The following DPYD variants were observed in gnomAD, a reference collection of about 807,000 sequenced individuals.
DPYD encodes dihydropyrimidine dehydrogenase, also known as dihydropyrimidine dehydrogenase [NADP(+)].
A neutral mutation model predicts 116.2 loss-of-function variants in DPYD; 109 were observed. That is an observed-to-expected ratio of 0.94 (90% confidence interval 0.80 to 1.10). The LOEUF (loss-of-function observed/expected upper bound fraction) is 1.10. Among genes scored for constraint, DPYD ranks in the 50% least tolerant of loss-of-function variants. The pLI, the probability that DPYD is intolerant of heterozygous loss-of-function variation, is 0.00. For synonymous variants in DPYD, 440 were observed against 432.0 expected (o/e 1.02, Z -0.23); for missense variants, 1,302 against 1,254.5 (o/e 1.04, Z -0.57).
chr1:97,469,397 C>CAAAAAAAAAAAAAAAAAAAAAA (rs59090402), intron 13 of DPYD, among the ~76,000 whole-genome samples: 27 of 80,808 alleles, frequency 3.3e-4, no homozygotes, highest in African/African-American at 9.7e-4. Context: ...GCTAAAATTG[C>CAAAAAAAAAAAAAAAAAAAAAA]AAAAAAAAAA....
chr1:97,516,073 A>T, intron 12 of DPYD, 132 bp from the exon 13 acceptor site: 1 of 966,258 alleles, frequency 1.0e-6, no homozygotes, highest in Non-Finnish European at 1.6e-6. Flanking sequence ...AATGAAAAAA[A>T]CTGGCAAAAA....
rs1247588033 is a variant in DPYD, at chr1:97,822,307, ATATAT to A, written c.233+5802_233+5806del. Among the ~76,000 whole-genome samples, 7 of 148,314 alleles carry A rather than the reference ATATAT, an allele frequency of 4.7e-5. No individual in the cohort carries two copies. In the East Asian group the frequency reaches 7.8e-4, roughly 16 times the overall value. On this transcript the variant is annotated intron_variant, in intron 3 of 22. Transcript: ENST00000370192. ...TCTGTGTATATATCTGTAAATATAA[ATATAT>A]TATATATCTGTATATATACACAGAT...
intron 16 of DPYD, among the ~76,000 whole-genome samples, chr1:97,312,463 C>A (rs1022888712): frequency 3.3e-5 from 5 of 151,768 alleles, no homozygotes; most frequent in Non-Finnish European, 7.4e-5. Context: ...ACAAAGATGT[C>A]TGCCATTCAC....
intron 10 of DPYD, among the ~76,000 whole-genome samples, chr1:97,576,555 C>T (rs1570988817): frequency 6.6e-6 from 1 of 152,154 alleles, no homozygotes; most frequent in East Asian, 1.9e-4. Context: ...TCAAAAACTT[C>T]TATGAATTTA....
At chr1:97,895,676 T>C (rs1186691069) in intron 1 of DPYD, among the ~76,000 whole-genome samples, 2 of 151,586 alleles carry the variant, frequency 1.3e-5, no homozygotes, top group African/African-American at 4.8e-5. Context: ...AGCTGAGGAG[T>C]TGGGGAATTG....
At chr1:97,837,785 G>A (rs530415368) in intron 2 of DPYD, among the ~76,000 whole-genome samples, 2 of 152,252 alleles carry the variant, frequency 1.3e-5, no homozygotes, top group African/African-American at 4.8e-5. Flanking sequence ...ATGCTTGAAT[G>A]TGATAATGAC....
intron 16 of DPYD, among the ~76,000 whole-genome samples, chr1:97,306,627 G>A (rs1227030499): frequency 6.6e-6 from 1 of 151,892 alleles, no homozygotes; most frequent in Non-Finnish European, 1.5e-5. Flanking sequence ...AACTTTTGAT[G>A]TTAAGTACAA....
chr1:97,528,388 T>C (rs191211408), intron 12 of DPYD, among the ~76,000 whole-genome samples: 8 of 152,308 alleles, frequency 5.3e-5, no homozygotes, highest in Admixed American at 1.3e-4. Context: ...CATTCTTCTA[T>C]ACTTGTAATC....
chr1:97,583,259 G>A (rs535274741), intron 10 of DPYD, among the ~76,000 whole-genome samples: 1 of 152,220 alleles, frequency 6.6e-6, no homozygotes, highest in South Asian at 2.1e-4. Context: ...GTGAACCACT[G>A]CGCCTGACCA....
intron 3 of DPYD, among the ~76,000 whole-genome samples, chr1:97,773,496 G>A (rs371895762): frequency 1.1e-3 from 166 of 152,218 alleles, no homozygotes; most frequent in African/African-American, 3.2e-3. Flanking sequence ...TTTCACGTCC[G>A]AATGTTCCAT....
intron 18 of DPYD, among the ~76,000 whole-genome samples, chr1:97,298,801 C>T (rs1205591914): frequency 6.6e-6 from 1 of 152,080 alleles, no homozygotes; most frequent in Non-Finnish European, 1.5e-5. Flanking sequence ...TCTTCTCCCC[C>T]TTTTCCTTAG....
chr1:97,544,565 T>C (rs1187773521), intron 12 of DPYD, among the ~76,000 whole-genome samples: 1 of 152,160 alleles, frequency 6.6e-6, no homozygotes, highest in East Asian at 1.9e-4. Context: ...ACATCAGATT[T>C]CTATTCAAAC....
intron 13 of DPYD, among the ~76,000 whole-genome samples, chr1:97,457,841 T>C (rs187397682): frequency 1.3e-5 from 2 of 152,308 alleles, no homozygotes; most frequent in East Asian, 3.9e-4. Context: ...CTGTCTCCTA[T>C]TCAAGTTATT....
At chr1:97,688,520 G>A (rs974867926) in intron 7 of DPYD, among the ~76,000 whole-genome samples, 3 of 151,934 alleles carry the variant, frequency 2.0e-5, no homozygotes, top group Non-Finnish European at 4.4e-5. Flanking sequence ...AGAGGGTTTG[G>A]AGAAGATGAC....
At chr1:97,579,286 G>A (rs72975718) in intron 10 of DPYD, among the ~76,000 whole-genome samples, 99 of 152,312 alleles carry the variant, frequency 6.5e-4, no homozygotes, top group African/African-American at 2.3e-3. Context: ...GTTTTGTTTA[G>A]TAGAATGAAG....
intron 16 of DPYD, among the ~76,000 whole-genome samples, chr1:97,351,513 A>T (rs1482638098): frequency 1.3e-5 from 2 of 152,146 alleles, no homozygotes; most frequent in Non-Finnish European, 2.9e-5. Flanking sequence ...CTGAACTGGA[A>T]ATTTAGAGAT....
intron 3 of DPYD, among the ~76,000 whole-genome samples, chr1:97,768,309 A>C (rs1490497825): frequency 6.6e-6 from 1 of 152,194 alleles, no homozygotes; most frequent in African/African-American, 2.4e-5. Flanking sequence ...CCTTATAATG[A>C]GGCCATAGAC....
At chr1:97,351,062 C>T (rs754582498) in intron 16 of DPYD, among the ~76,000 whole-genome samples, 33 of 152,026 alleles carry the variant, frequency 2.2e-4, no homozygotes, top group Admixed American at 1.3e-4. Flanking sequence ...AAATAATTTC[C>T]CTGTGACATC....
chr1:97,192,679 T>G (rs995000807), intron 20 of DPYD, among the ~76,000 whole-genome samples: 1 of 152,200 alleles, frequency 6.6e-6, no homozygotes. Context: ...AAAAACTTCC[T>G]TATATTATTC....
Sources: allele counts gnomAD v4.1 joint callset (sites outside exome capture counted in the v4.1 genomes callset), GRCh38; gene constraint gnomAD v4.1.1; transcripts MANE v1.5; gene names NCBI Gene and HGNC (gene_info 2026-07-23, HGNC 2026-07-21).